The following WFS1 variants were observed in gnomAD, a reference collection of about 807,000 sequenced individuals.
WFS1 encodes the protein wolframin ER transmembrane glycoprotein, also known as wolframin.
In WFS1, 90 loss-of-function variants were observed where a neutral mutation model predicts 68.5. The ratio of observed to expected loss-of-function variants is 1.31; its 90% CI spans 1.11 to 1.56. The LOEUF (loss-of-function observed/expected upper bound fraction) is 1.56. WFS1 is among the 40% of genes most tolerant of loss of function. WFS1 has a pLI of 0.00. For missense variants in WFS1, 1,767 were observed against 1,232.6 expected (o/e 1.43, Z -6.49); for synonymous variants, 860 against 540.7 (o/e 1.59, Z -8.19).
In WFS1 at chr4:6,300,767, C is replaced by G. The variant is rs1456248851; in HGVS notation, c.972C>G (p.Ile324Met). 6.2e-7 allele frequency: 1 copy of G among 1,613,984 alleles called. No homozygotes were observed. Among genetic ancestry groups the G allele is most frequent in the Non-Finnish European group, 8.5e-7 (1 of 1,180,008 alleles). Reference sequence around the variant, plus strand: ...CCACCATCATCCCCACGCACCACATCAACGCGCTCATCTTCTTCTTCATCG... The same window carrying G: ...CCACCATCATCCCCACGCACCACATGAACGCGCTCATCTTCTTCTTCATCG... ...WLSTIIPTHH[I>M]NALIFFFIVS... is the part of the protein sequence containing the mutation. Residue 324 changes from isoleucine (I) to methionine (M), a missense_variant, in exon 8 of 8, where the codon ATC becomes ATG. Physicochemically the swap from Ile to Met is conservative, Grantham distance 10. Coordinates refer to ENST00000226760, the MANE Select transcript of WFS1 (RefSeq NM_006005.3).
At chr4:6,297,421 C>T (rs1483401406) in intron 7 of WFS1, among the ~76,000 whole-genome samples, 1 of 152,192 alleles carries the variant, frequency 6.6e-6, no homozygotes, top group Non-Finnish European at 1.5e-5. Flanking sequence ...TTCCAGACTC[C>T]ACACAGTTCT....
At chr4:6,293,765 C>T (rs1730543339) in intron 6 of WFS1, among the ~76,000 whole-genome samples, 1 of 152,210 alleles carries the variant, frequency 6.6e-6, no homozygotes, top group South Asian at 2.1e-4. Flanking sequence ...GGACCAGGGT[C>T]TTCCCGTAGG....
intron 5 of WFS1, 144 bp from the exon 6 acceptor site, chr4:6,291,773 G>T: frequency 1.1e-6 from 1 of 876,234 alleles, no homozygotes; most frequent in East Asian, 2.6e-5. Flanking sequence ...TGCTCTGCCT[G>T]CCCTGGGGGC....
chr4:6,280,900 G>A (rs879420734), intron 2 of WFS1, among the ~76,000 whole-genome samples: 8 of 152,212 alleles, frequency 5.3e-5, no homozygotes, highest in Admixed American at 2.0e-4. Context: ...CCGCCACTCC[G>A]TCTCCGAGCA....
intron 2 of WFS1, 126 bp from the exon 3 acceptor site, chr4:6,286,967 C>T: frequency 1.2e-6 from 1 of 861,128 alleles, no homozygotes; most frequent in Non-Finnish European, 1.9e-6. Flanking sequence ...TCTCTGTACT[C>T]CTGGCCTGGA....
chr4:6,274,449 T>C (rs569995106), intron 1 of WFS1, among the ~76,000 whole-genome samples: 4 of 152,186 alleles, frequency 2.6e-5, no homozygotes, highest in South Asian at 2.1e-4. Context: ...ATTTTACATA[T>C]GGGGAAACAG....
chr4:6,291,115 C>G lies in WFS1; in HGVS notation c.461-82C>G, dbSNP rs367795777. ...TCTATGAGTCTCGCTCGAAAGCCTT[C>G]CAGGCAGAGTTGGCAGGGTCAGAGT... is the stretch of plus-strand genomic sequence containing the variant. On this transcript the variant is annotated intron_variant, in intron 4 of 7. Coordinates refer to ENST00000226760, the MANE Select transcript of WFS1 (RefSeq NM_006005.3). The G allele has an allele frequency of 1.7e-5, 26 of 1,516,822 alleles. No homozygotes were observed. In the African/African-American group the frequency reaches 2.5e-4, roughly 14 times the overall value. The allele number at this position is 1,516,822 out of a possible 1,614,324, so 94.0% of individuals were successfully genotyped here.
chr4:6,290,894 G>T (rs536932788), intron 4 of WFS1, among the ~76,000 whole-genome samples: 3 of 152,182 alleles, frequency 2.0e-5, no homozygotes, highest in African/African-American at 7.2e-5. Flanking sequence ...ACACAGGCCT[G>T]TGCCTCCGGG....
rs546822726 is a variant in WFS1 at position 6,287,805 on chromosome 4, C to T, written c.315+630C>T. Reference sequence around the variant, plus strand: ...TGTGTCCTCTGTGGAGGCAAGTTCTCACCACCTCACTCTGTCCCCTTGCAC... The same window carrying T: ...TGTGTCCTCTGTGGAGGCAAGTTCTTACCACCTCACTCTGTCCCCTTGCAC... On this transcript the variant is annotated intron_variant, in intron 3 of 7. Transcript: ENST00000226760. The surrounding 1 kb of genome is among the most constrained non-coding windows in gnomAD (Gnocchi z 6.4). 2.9e-4 allele frequency among the ~76,000 whole-genome samples: 44 copies of T among 152,316 alleles called. No homozygotes were observed. Among genetic ancestry groups the T allele is most frequent in the African/African-American group, 8.4e-4 (35 of 41,574 alleles).
At chr4:6,286,973 C>G in intron 2 of WFS1, 120 bp from the exon 3 acceptor site, 1 of 907,300 alleles carries the variant, frequency 1.1e-6, no homozygotes, top group Non-Finnish European at 1.8e-6. Flanking sequence ...TACTCCTGGC[C>G]TGGATTTGAA....
At chr4:6,294,891 G>C in intron 6 of WFS1, 150 bp from the exon 7 acceptor site, 1 of 1,344,422 alleles carries the variant, frequency 7.4e-7, no homozygotes, top group South Asian at 1.2e-5. Flanking sequence ...CAACCCTCAG[G>C]CCGCCCAGGG....
Position 6,300,923 on chromosome 4 carries a change from C to T in WFS1, c.1128C>T (p.Thr376=), listed in dbSNP as rs1457578606. ...GCAAGGCCTGGGAGAACTTCCGCAC[C>T]CTCACCGACCTGCTGCTGCGCTTCG... The part of the protein sequence containing the change: ...QDSKAWENFR[T]LTDLLLRFEP... Residue 376 remains threonine, a synonymous_variant, in exon 8 of 8, where the codon ACC becomes ACT. Coordinates refer to ENST00000226760, the MANE Select transcript of WFS1 (RefSeq NM_006005.3). 2 of 1,614,174 alleles carry T rather than the reference C, an allele frequency of 1.2e-6. No individual in the cohort carries two copies. The highest frequency in any genetic ancestry group is 1.7e-6 in the Non-Finnish European group (2 of 1,180,038).
At position 6,300,947 on chromosome 4, in the gene WFS1, C is replaced by A. The variant is rs149846741; in HGVS notation, c.1152C>A (p.Phe384Leu). 1.2e-6 allele frequency: 2 copies of A among 1,613,928 alleles called. No homozygotes were observed. Among genetic ancestry groups the A allele is most frequent in the Non-Finnish European group, 1.7e-6 (2 of 1,180,034 alleles). ...CCCTCACCGACCTGCTGCTGCGCTT[C>A]GAGCCCAACCTGGATGTGGAGCAGG... ...FRTLTDLLLR[F>L]EPNLDVEQAE... is the part of the protein sequence containing the mutation. The change falls in exon 8 of 8, where the codon TTC becomes TTA. Residue 384 changes from phenylalanine (F) to leucine (L), a missense_variant. By Grantham distance (22) the Phe-to-Leu change is conservative. Transcript: ENST00000226760.
intron 5 of WFS1, among the ~76,000 whole-genome samples, chr4:6,291,689 T>A (rs1730468660): frequency 6.6e-6 from 1 of 152,214 alleles, no homozygotes; most frequent in South Asian, 2.1e-4. Flanking sequence ...ACGGACTGTG[T>A]CCATCACCAA....
chr4:6,300,228 T>A (rs2109124477), intron 7 of WFS1, among the ~76,000 whole-genome samples: 1 of 152,210 alleles, frequency 6.6e-6, no homozygotes, highest in African/African-American at 2.4e-5. Flanking sequence ...GGAGGTGACA[T>A]CCTTGCTGTA....
rs143055296 is a variant in WFS1, at chr4:6,301,822, G to C, written c.2027G>C (p.Arg676Pro). ...WQQYGALCGPRAWKETNMART... is the reference protein window; with the variant it reads ...WQQYGALCGPPAWKETNMART... ...CAGTATGGTGCGCTGTGCGGGCCAC[G>C]CGCCTGGAAGGAGACCAACATGGCG... Residue 676 changes from arginine to proline, a missense_variant, in exon 8 of 8, where the codon CGC becomes CCC. By Grantham distance (103) the Arg-to-Pro change is moderately radical. Coordinates refer to ENST00000226760, the MANE Select transcript of WFS1 (RefSeq NM_006005.3). 8.1e-6 allele frequency: 13 copies of C among 1,613,034 alleles called. No individual in the cohort carries two copies. Among genetic ancestry groups the C allele is most frequent in the Non-Finnish European group, 1.0e-5 (12 of 1,180,022 alleles).
chr4:6,276,205 C>A (rs981741833), intron 1 of WFS1, among the ~76,000 whole-genome samples: 6 of 152,062 alleles, frequency 3.9e-5, no homozygotes, highest in African/African-American at 1.4e-4. Context: ...CCAGCAGTGC[C>A]AGGGGTTTGC....
chr4:6,284,319 G>A (rs1730248879), intron 2 of WFS1, among the ~76,000 whole-genome samples: 2 of 152,280 alleles, frequency 1.3e-5, no homozygotes, highest in East Asian at 1.9e-4. Flanking sequence ...GTTGTGGCGA[G>A]CCGAGATTTT....
chr4:6,279,978 T>C (rs2109109556), intron 2 of WFS1, among the ~76,000 whole-genome samples: 1 of 152,328 alleles, frequency 6.6e-6, no homozygotes, highest in Non-Finnish European at 1.5e-5. Flanking sequence ...TTCCTTCCCA[T>C]CCTGGCTCTG....
Sources: gnomAD v4.1 joint callset for allele counts (sites outside exome capture counted in the v4.1 genomes callset) on GRCh38, gnomAD v4.1.1 for gene constraint, Gnocchi (gnomAD v3.1) non-coding constraint, MANE v1.5 for transcripts, NCBI Gene and HGNC (gene_info 2026-07-23, HGNC 2026-07-21) for gene names.